CPNE4: variants seen among roughly 807,000 people sequenced by gnomAD.
CPNE4 encodes the protein copine-4.
A neutral mutation model predicts 67.9 loss-of-function variants in CPNE4; 25 were observed. The observed-to-expected ratio is 0.37, with a 90% confidence interval of 0.27 to 0.51. The LOEUF is 0.51. Ranked by LOEUF, CPNE4 falls within the 20% of genes least tolerant of loss-of-function variation. The pLI, the probability that CPNE4 is intolerant of heterozygous loss-of-function variation, is 0.93. For missense variants in CPNE4, 464 were observed against 690.8 expected, an observed-to-expected ratio of 0.67 and a Z score of 3.68; for synonymous variants, 242 against 244.9, an observed-to-expected ratio of 0.99 and a Z score of 0.11.
chr3:131,810,304 A>G (rs1454917112), intron 2 of CPNE4, among the ~76,000 whole-genome samples: 1 of 152,146 alleles, frequency 6.6e-6, no homozygotes, highest in Non-Finnish European at 1.5e-5. Flanking sequence ...CATATATCTG[A>G]TAAATGGTTA....
At chr3:132,037,380 A>G (rs917327370), upstream of CPNE4, among the ~76,000 whole-genome samples, 4 of 152,270 alleles carry the variant, frequency 2.6e-5, no homozygotes, top group Non-Finnish European at 5.9e-5. Flanking sequence ...TACAGGGCAC[A>G]TAAAGCAGAA....
intron 7 of CPNE4, among the ~76,000 whole-genome samples, chr3:131,660,439 G>A (rs1258357179): frequency 3.9e-5 from 6 of 152,168 alleles, no homozygotes; most frequent in South Asian, 2.1e-4. Flanking sequence ...AAGGGGATGG[G>A]ATACCAGAAT....
intron 9 of CPNE4, among the ~76,000 whole-genome samples, chr3:131,580,429 CATAT>C (rs1159123827): frequency 2.9e-5 from 4 of 139,184 alleles, no homozygotes; most frequent in Admixed American, 7.0e-5. Context: ...TATACATATA[CATAT>C]ACATATACAT....
intron 1 of CPNE4, among the ~76,000 whole-genome samples, chr3:131,956,240 CT>C (rs1245615842): frequency 6.6e-6 from 1 of 151,716 alleles, no homozygotes; most frequent in Non-Finnish European, 1.5e-5. Flanking sequence ...GAGTTGATGC[CT>C]TTTTTTTCTT....
intron 5 of CPNE4, among the ~76,000 whole-genome samples, chr3:131,691,757 T>A (rs568328831): frequency 1.3e-5 from 2 of 151,608 alleles, no homozygotes; most frequent in South Asian, 2.1e-4. Context: ...GAAGAAAAAA[T>A]TCATGAAGGC....
At chr3:131,861,841 G>C (rs540329020) in intron 2 of CPNE4, among the ~76,000 whole-genome samples, 1 of 152,272 alleles carries the variant, frequency 6.6e-6, no homozygotes, top group South Asian at 2.1e-4. Context: ...GAATTCAGGA[G>C]CATAAAAATG....
chr3:131,939,146 C>T (rs2071311741), intron 1 of CPNE4, among the ~76,000 whole-genome samples: 1 of 151,986 alleles, frequency 6.6e-6, no homozygotes, highest in African/African-American at 2.4e-5. Flanking sequence ...AACCTATGTA[C>T]AATAATATTC....
chr3:131,908,582 T>C (rs1359950920), intron 1 of CPNE4, among the ~76,000 whole-genome samples: 1 of 152,168 alleles, frequency 6.6e-6, no homozygotes, highest in Middle Eastern at 3.2e-3. Context: ...TCCTTCTAAC[T>C]TTCCCTATCC....
intron 2 of CPNE4, among the ~76,000 whole-genome samples, chr3:131,848,799 A>G (rs1217288687): frequency 6.6e-6 from 1 of 151,884 alleles, no homozygotes; most frequent in Non-Finnish European, 1.5e-5. Flanking sequence ...AAGAGCGTCA[A>G]TTGCTTCTAA....
At chr3:131,589,514 C>T (rs1330079170) in intron 7 of CPNE4, among the ~76,000 whole-genome samples, 1 of 152,162 alleles carries the variant, frequency 6.6e-6, no homozygotes, top group Non-Finnish European at 1.5e-5. Context: ...TCTCTCAGTC[C>T]ACTGACTCAA....
chr3:131,983,430 A>G lies in CPNE4; in HGVS notation c.-2+51137T>C, dbSNP rs574508849. ...CTTGCTACGACGTGGAGCTGCACAA[A>G]AAGACTTACTGGATATCCTAATTAA... On this transcript the variant is annotated intron_variant, in intron 1 of 15. Transcript: ENST00000429747. Among the ~76,000 whole-genome samples the G allele has an allele frequency of 2.0e-5, 3 of 152,314 alleles. No homozygotes were observed. The East Asian group carries it at 5.8e-4, about 29-fold the overall frequency.
chr3:131,692,070 T>C (rs1293485549), intron 5 of CPNE4, among the ~76,000 whole-genome samples: 2 of 152,172 alleles, frequency 1.3e-5, no homozygotes, highest in Non-Finnish European at 2.9e-5. Flanking sequence ...ACAGAGACCA[T>C]ATTATTCTGC....
intron 1 of CPNE4, among the ~76,000 whole-genome samples, chr3:131,910,601 C>T (rs2088940821): frequency 6.6e-6 from 1 of 152,130 alleles, no homozygotes; most frequent in Non-Finnish European, 1.5e-5. Flanking sequence ...GAGGTTCAGC[C>T]TATTTAACTC....
chr3:131,811,407 C>T (rs2084522624), intron 2 of CPNE4, among the ~76,000 whole-genome samples: 1 of 151,858 alleles, frequency 6.6e-6, no homozygotes, highest in South Asian at 2.1e-4. Flanking sequence ...AAGATGTTTT[C>T]CTATCTGGAA....
At chr3:131,672,160 T>G (rs768454986) in intron 6 of CPNE4, among the ~76,000 whole-genome samples, 87 of 152,200 alleles carry the variant, frequency 5.7e-4, no homozygotes, top group Non-Finnish European at 8.1e-4. Flanking sequence ...GAATTTTATT[T>G]GTACTTTTTA....
chr3:131,953,239 TAAAAAAA>T (rs1167094357), intron 1 of CPNE4, among the ~76,000 whole-genome samples: 16 of 97,134 alleles, frequency 1.6e-4, no homozygotes, highest in Non-Finnish European at 2.7e-4. Flanking sequence ...AATGATCAAT[TAAAAAAA>T]AAAAAAAAAA....
At chr3:131,722,376 C>T (rs1161091803) in intron 3 of CPNE4, among the ~76,000 whole-genome samples, 1 of 152,100 alleles carries the variant, frequency 6.6e-6, no homozygotes, top group African/African-American at 2.4e-5. Context: ...GATGTTAAAG[C>T]TTCATCAATT....
At chr3:131,765,791 G>A (rs191471895) in intron 2 of CPNE4, among the ~76,000 whole-genome samples, 3 of 152,138 alleles carry the variant, frequency 2.0e-5, no homozygotes, top group East Asian at 1.9e-4. Flanking sequence ...GTGAAGGATC[G>A]CTACATCACC....
intron 6 of CPNE4, among the ~76,000 whole-genome samples, chr3:131,681,621 T>C (rs898211059): frequency 1.3e-5 from 2 of 152,192 alleles, no homozygotes; most frequent in Non-Finnish European, 2.9e-5. Flanking sequence ...GGGTTATATC[T>C]GTTTGGTGTT....
Sources: allele counts gnomAD v4.1 joint callset (sites outside exome capture counted in the v4.1 genomes callset), GRCh38; gene constraint gnomAD v4.1.1; transcripts MANE v1.5; gene names NCBI Gene and HGNC (gene_info 2026-07-23, HGNC 2026-07-21).